KIF5A: variants seen among roughly 807,000 people sequenced by gnomAD.
The protein encoded by KIF5A is kinesin family member 5A.
Under a neutral mutation model 141.3 loss-of-function variants are expected in KIF5A, and 35 were observed. The observed-to-expected ratio is 0.25, with a 90% CI of 0.19 to 0.33. The LOEUF (loss-of-function observed/expected upper bound fraction) is 0.33, where lower values mean the gene tolerates loss of function less well. KIF5A is among the 10% of genes least tolerant of loss of function. The pLI is 1.00. For synonymous variants in KIF5A, 448 were observed against 500.2 expected, an observed-to-expected ratio of 0.90 and a Z score of 1.39; for missense variants, 861 against 1,314.3, an observed-to-expected ratio of 0.66 and a Z score of 5.33.
At position 57,572,688 on chromosome 12, in the gene KIF5A, G is replaced by A. The variant is rs142701108; in HGVS notation, c.1678G>A (p.Glu560Lys). 1 of 1,614,230 alleles carries A rather than the reference G, an allele frequency of 6.2e-7. No homozygotes were observed. The highest frequency in any genetic ancestry group is 8.5e-7 in the Non-Finnish European group (1 of 1,180,046). ...VLNGLMKDLS[E>K]FSVIVGNGEI... ...GAACGGGCTGATGAAGGATCTGAGCGAGTTCAGTGTCATTGTGGGCAACGG... is the reference window on the plus strand; with the variant it reads ...GAACGGGCTGATGAAGGATCTGAGCAAGTTCAGTGTCATTGTGGGCAACGG... The change falls in exon 15 of 29, where the codon GAG becomes AAG. Residue 560 changes from glutamate (E) to lysine (K), a missense_variant. Coordinates refer to ENST00000455537, the MANE Select transcript of KIF5A (RefSeq NM_004984.4). The surrounding 1 kb of genome is among the most constrained non-coding windows in gnomAD (Gnocchi z 4.2).
intron 13 of KIF5A, 82 bp from the exon 14 acceptor site, chr12:57,571,979 G>A: frequency 8.7e-7 from 1 of 1,151,378 alleles, no homozygotes; most frequent in Non-Finnish European, 1.3e-6. Context: ...GGGTAGGGTG[G>A]GGGCTCAGCT....
Position 57,577,780 on chromosome 12 carries a change from G to A in KIF5A, c.2361+7G>A, listed in dbSNP as rs371567825. On this transcript the variant is annotated splice_region_variant and intron_variant, in intron 21 of 28. Coordinates refer to ENST00000455537, the MANE Select transcript of KIF5A (RefSeq NM_004984.4). Reference sequence around the variant, plus strand: ...GGGTCTGGAGGAGACAGTTGTGAGTGGTTCCCTTCTGTGCCAAATTCACAG... The same window carrying A: ...GGGTCTGGAGGAGACAGTTGTGAGTAGTTCCCTTCTGTGCCAAATTCACAG... The A allele has an allele frequency of 1.7e-5, 28 of 1,611,136 alleles. No individual in the cohort carries two copies. The African/African-American group carries it at 3.7e-4, about 22-fold the overall frequency.
Position 57,572,025 on chromosome 12 carries a change from G to A in KIF5A, c.1363-36G>A. 1 of 1,574,648 alleles carries A rather than the reference G, an allele frequency of 6.4e-7. No individual in the cohort carries two copies. Among genetic ancestry groups the A allele is most frequent in the Non-Finnish European group, 8.7e-7 (1 of 1,147,962 alleles). ...AAGGCCATAGAAATGGTCACTGGCAGTGATCTTTCCCACATGCCACTCCTC... is the reference window on the plus strand; with the variant it reads ...AAGGCCATAGAAATGGTCACTGGCAATGATCTTTCCCACATGCCACTCCTC... On this transcript the variant is annotated intron_variant, in intron 13 of 28. Coordinates refer to ENST00000455537, the MANE Select transcript of KIF5A (RefSeq NM_004984.4). This position sits in a 1 kb window ranked among gnomAD's most constrained non-coding sequence, Gnocchi z 4.2.
chr12:57,562,745 G>C (rs1218418691), intron 1 of KIF5A, among the ~76,000 whole-genome samples: 1 of 152,112 alleles, frequency 6.6e-6, no homozygotes, highest in Admixed American at 6.6e-5. Context: ...AGGGTACGTG[G>C]ATCTGTTGAG....
At chr12:57,571,296 T>C (rs1882247611) in intron 12 of KIF5A, 25 bp from the exon 13 acceptor site, 1 of 1,413,424 alleles carries the variant, frequency 7.1e-7, no homozygotes, top group Non-Finnish European at 1.0e-6. Context: ...TCCCTTCACC[T>C]GTCTTTCCCT....
At position 57,577,756 on chromosome 12, in the gene KIF5A, G is replaced by A; in HGVS notation, c.2344G>A (p.Gly782Ser). Residue 782 changes from glycine to serine, a missense_variant, in exon 21 of 29, where the codon GGT becomes AGT. This residue lies in a region of KIF5A where 482 missense variants were observed against 661.3 expected (regional missense o/e 0.73). Coordinates refer to ENST00000455537, the MANE Select transcript of KIF5A (RefSeq NM_004984.4). ...RHEQSKQDLK[G>S]LEETVARELQ... is the part of the protein sequence containing the mutation. ...TGAGCAGTCCAAGCAGGACCTCAAG[G>A]GTCTGGAGGAGACAGTTGTGAGTGG... 1 of 1,613,876 alleles carries A rather than the reference G, an allele frequency of 6.2e-7. No homozygotes were observed. Among genetic ancestry groups the A allele is most frequent in the East Asian group, 2.2e-5 (1 of 44,872 alleles).
intron 24 of KIF5A, 38 bp downstream of exon 24, chr12:57,581,210 T>G: frequency 6.3e-7 from 1 of 1,594,704 alleles, no homozygotes; most frequent in Non-Finnish European, 8.6e-7. Flanking sequence ...GAGTATCTCC[T>G]GAAGCAAATT....
rs1332712273 is a variant in KIF5A, at chr12:57,578,345, A to G, written c.2538+3A>G. On this transcript the variant is annotated splice_donor_region_variant and intron_variant, in intron 23 of 28. Transcript: ENST00000455537. ...AGCTTACAAAGGTTCACAAACAGGT[A>G]AGAGTCTGCTGAAGGAGTGAAGAGA... 1 of 1,604,696 alleles carries G rather than the reference A, an allele frequency of 6.2e-7. No homozygotes were observed. Among genetic ancestry groups the G allele is most frequent in the Non-Finnish European group, 8.5e-7 (1 of 1,171,460 alleles).
chr12:57,584,731 A>T lies in KIF5A; in HGVS notation c.*550A>T, dbSNP rs1411912199. ...CCTCTTTCACATATAGCACAGGGGA[A>T]GGTAAAATGGAAGGGCTGCTAATTG... is the stretch of plus-strand genomic sequence containing the variant. On this transcript the variant is annotated 3_prime_UTR_variant, in exon 29 of 29. Transcript: ENST00000455537. The T allele has an allele frequency of 6.6e-6, 1 of 152,652 alleles. No individual in the cohort carries two copies. The highest frequency in any genetic ancestry group is 6.5e-5 in the Admixed American group (1 of 15,282). 9.5% of individuals were successfully genotyped at this position (152,652 alleles called of 1,614,324 possible).
Position 57,562,105 on chromosome 12 carries a change from T to G in KIF5A, c.130-1334T>G, listed in dbSNP as rs149929320. Among the ~76,000 whole-genome samples the G allele has an allele frequency of 5.1e-3, 782 of 152,356 alleles. 4 individuals carry two copies. Among genetic ancestry groups the G allele is most frequent in the African/African-American group, 0.017 (723 of 41,586 alleles). On this transcript the variant is annotated intron_variant, in intron 1 of 28. Transcript: ENST00000455537. ...TCTAGCCATCAAATATATTCATTGGTTAGCTTCCTAAGTTGTAAGTATTTT... is the reference window on the plus strand; with the variant it reads ...TCTAGCCATCAAATATATTCATTGGGTAGCTTCCTAAGTTGTAAGTATTTT...
At position 57,576,166 on chromosome 12, in the gene KIF5A, T is replaced by C. The variant is rs1405819419; in HGVS notation, c.2088+15T>C. ...ATGAAGTGAAGGTGAGTAAGGAAGG[T>C]GTCAGGGACAATTGGGGCCTGGTGT... is the stretch of plus-strand genomic sequence containing the variant. On this transcript the variant is annotated intron_variant, in intron 18 of 28. Transcript: ENST00000455537. 1.9e-6 allele frequency: 3 copies of C among 1,613,848 alleles called. No individual in the cohort carries two copies. Among genetic ancestry groups the C allele is most frequent in the Non-Finnish European group, 2.5e-6 (3 of 1,179,730 alleles).
At position 57,583,081 on chromosome 12, in the gene KIF5A, T is replaced by C. The variant is rs1285346112; in HGVS notation, c.3021-20T>C. On this transcript the variant is annotated intron_variant, in intron 27 of 28. Transcript: ENST00000455537. ...ACTTTAATTTCTATGGAGCTGATCA[T>C]GGTGGGTCTCTTCCTCCAGGAGTGA... The C allele has an allele frequency of 1.2e-6, 2 of 1,602,988 alleles. No homozygotes were observed. Among genetic ancestry groups the C allele is most frequent in the Non-Finnish European group, 8.5e-7 (1 of 1,170,360 alleles).
chr12:57,567,270 C>A, intron 7 of KIF5A, 57 bp downstream of exon 7: 1 of 1,443,346 alleles, frequency 6.9e-7, no homozygotes, highest in Admixed American at 1.7e-5. Flanking sequence ...TGTTCTGTGT[C>A]CTCTGGGGTG....
intron 21 of KIF5A, 67 bp downstream of exon 21, chr12:57,577,840 C>A: frequency 1.4e-6 from 2 of 1,384,820 alleles, no homozygotes; most frequent in Non-Finnish European, 2.1e-6. Context: ...TTCTTCCTAA[C>A]CCTATTCCTC....
chr12:57,557,004 A>G (rs993873790), intron 1 of KIF5A, among the ~76,000 whole-genome samples: 1 of 152,142 alleles, frequency 6.6e-6, no homozygotes, highest in East Asian at 1.9e-4. Flanking sequence ...AGTCAAGTTG[A>G]CACTCAGTAT....
At chr12:57,552,568 GT>G (rs1321014066) in intron 1 of KIF5A, among the ~76,000 whole-genome samples, 1 of 152,176 alleles carries the variant, frequency 6.6e-6, no homozygotes, top group Non-Finnish European at 1.5e-5. Context: ...CATCCTTGGA[GT>G]TTGCTTTTTC....
intron 7 of KIF5A, 78 bp from the exon 8 acceptor site, chr12:57,567,416 G>C: frequency 6.3e-7 from 1 of 1,580,298 alleles, no homozygotes; most frequent in Non-Finnish European, 8.6e-7. Context: ...GGGCGGGGCT[G>C]GGGTCAGTGG....
intron 24 of KIF5A, 36 bp downstream of exon 24, chr12:57,581,208 C>A (rs776747399): frequency 1.9e-6 from 3 of 1,597,036 alleles, no homozygotes; most frequent in Non-Finnish European, 2.6e-6. Flanking sequence ...GGGAGTATCT[C>A]CTGAAGCAAA....
In KIF5A at chr12:57,572,341, C is replaced by T. The variant is rs1882282012; in HGVS notation, c.1569+74C>T. On this transcript the variant is annotated intron_variant, in intron 14 of 28. Coordinates refer to ENST00000455537, the MANE Select transcript of KIF5A (RefSeq NM_004984.4). The surrounding 1 kb of genome is among the most constrained non-coding windows in gnomAD (Gnocchi z 4.2). ...CCCATGTCGAGGGGACCTCTGCATC[C>T]TTCCAGGGCTGTATGGTGGCTGCAC... 2 of 1,459,928 alleles carry T rather than the reference C, an allele frequency of 1.4e-6. No individual in the cohort carries two copies. Among genetic ancestry groups the T allele is most frequent in the Admixed American group, 2.0e-5 (1 of 50,928 alleles). 90.4% of individuals were successfully genotyped at this position (1,459,928 alleles called of 1,614,324 possible).
Sources: allele counts gnomAD v4.1 joint callset (sites outside exome capture counted in the v4.1 genomes callset), GRCh38; gene constraint gnomAD v4.1.1; regional missense constraint gnomAD v4.1.1; non-coding constraint Gnocchi (gnomAD v3.1); transcripts MANE v1.5; gene names NCBI Gene and HGNC (gene_info 2026-07-23, HGNC 2026-07-21).